The following CEP63 variants were observed in gnomAD, a reference collection of about 807,000 sequenced individuals.
CEP63 encodes centrosomal protein of 63 kDa.
CEP63 carries 84 observed loss-of-function variants against 89.1 expected under a neutral mutation model. The observed-to-expected ratio is 0.94, with a 90% CI of 0.79 to 1.13. The LOEUF (loss-of-function observed/expected upper bound fraction) is 1.13, where lower values mean the gene tolerates loss of function less well. Among genes scored for constraint, CEP63 ranks in the 50% most tolerant of loss-of-function variants. The pLI is 0.00. For missense variants in CEP63, 838 were observed against 813.3 expected, an observed-to-expected ratio of 1.03 and a Z score of -0.37; for synonymous variants, 267 against 272.5, an observed-to-expected ratio of 0.98 and a Z score of 0.20.
the CEP63 span, among the ~76,000 whole-genome samples, chr3:134,606,829 C>T: frequency 6.6e-6 from 1 of 151,762 alleles, no homozygotes; most frequent in Non-Finnish European, 1.5e-5. Flanking sequence ...CCTCCTCCTC[C>T]CCTCTCCCCT....
the CEP63 span, among the ~76,000 whole-genome samples, chr3:134,771,165 A>G: frequency 2.0e-5 from 3 of 152,012 alleles, no homozygotes; most frequent in African/African-American, 7.2e-5. Context: ...CTCTCCATCC[A>G]CTTTGCTGGC....
At chr3:134,630,322 C>T in the CEP63 span, among the ~76,000 whole-genome samples, 1 of 152,250 alleles carries the variant, frequency 6.6e-6, no homozygotes, top group African/African-American at 2.4e-5. Flanking sequence ...CATGCAGCCA[C>T]CTACAACTCT....
Position 134,560,463 on chromosome 3 carries a change from G to A in CEP63, c.1954-914G>A, listed in dbSNP as rs574727678. The stretch of plus-strand genomic sequence containing the variant: ...GACTTGCACAATCCCAGCCAAGGTC[G>A]AAGTAGGCAGCACTCTGCCTTGTTG... On this transcript the variant is annotated intron_variant, in intron 14 of 14. Coordinates refer to ENST00000675561, the MANE Select transcript of CEP63 (RefSeq NM_001353108.3). Among the ~76,000 whole-genome samples the A allele has an allele frequency of 1.8e-4, 28 of 152,318 alleles. 1 individual carries two copies. In the South Asian group the frequency reaches 5.2e-3, roughly 28 times the overall value.
At chr3:134,505,040 C>T (rs937272199) in intron 2 of CEP63, among the ~76,000 whole-genome samples, 2 of 152,086 alleles carry the variant, frequency 1.3e-5, no homozygotes, top group Admixed American at 6.5e-5. Flanking sequence ...TTTTTATTAT[C>T]TGTGTTTTCT....
At chr3:134,680,657 G>T in the CEP63 span, among the ~76,000 whole-genome samples, 2 of 152,110 alleles carry the variant, frequency 1.3e-5, no homozygotes, top group African/African-American at 4.8e-5. Context: ...TTAGTTTGGG[G>T]AAGTCTAAAG....
the CEP63 span, among the ~76,000 whole-genome samples, chr3:134,605,837 C>T: frequency 6.6e-6 from 1 of 152,156 alleles, no homozygotes; most frequent in African/African-American, 2.4e-5. Flanking sequence ...CTCTTTGCGA[C>T]CCCCACTCTT....
the CEP63 span, among the ~76,000 whole-genome samples, chr3:134,699,117 G>A: frequency 3.3e-5 from 5 of 152,214 alleles, no homozygotes; most frequent in African/African-American, 7.2e-5. Context: ...CCCAGAGCAG[G>A]AAATGTCTCA....
At chr3:134,709,877 C>G in the CEP63 span, among the ~76,000 whole-genome samples, 2 of 152,222 alleles carry the variant, frequency 1.3e-5, no homozygotes, top group African/African-American at 4.8e-5. Flanking sequence ...GATGGTGATC[C>G]GTTAATGGCA....
intron 3 of CEP63, among the ~76,000 whole-genome samples, chr3:134,522,814 T>C (rs1947768332): frequency 6.6e-6 from 1 of 152,166 alleles, no homozygotes; most frequent in Admixed American, 6.6e-5. Context: ...TGATGGACAT[T>C]TAGGTTGATA....
intron 3 of CEP63, chr3:134,511,392 A>T (rs6804770): frequency 0.66 from 101,583 of 153,956 alleles, 33,922 homozygotes; most frequent in East Asian, 0.81. Context: ...ATACTCGGAA[A>T]AGAAGTGGAG....
chr3:134,747,225 A>T, the CEP63 span, among the ~76,000 whole-genome samples: 2 of 152,196 alleles, frequency 1.3e-5, no homozygotes, highest in African/African-American at 4.8e-5. Flanking sequence ...CAAAGATCAG[A>T]TGGTTGTAGA....
At chr3:134,749,834 G>GCGTTGAA in the CEP63 span, among the ~76,000 whole-genome samples, 1 of 151,534 alleles carries the variant, frequency 6.6e-6, no homozygotes, top group East Asian at 1.9e-4. Flanking sequence ...GGAGAGTTGA[G>GCGTTGAA]CAGACAGGAA....
At chr3:134,541,228 T>C (rs1951931247) in intron 6 of CEP63, among the ~76,000 whole-genome samples, 1 of 152,232 alleles carries the variant, frequency 6.6e-6, no homozygotes, top group African/African-American at 2.4e-5. Context: ...ACAATTGTTT[T>C]ATAAACAGTT....
chr3:134,701,321 T>TATACGTATATGTGTGTATAC, the CEP63 span, among the ~76,000 whole-genome samples: 7 of 100,518 alleles, frequency 7.0e-5, 3 homozygotes, highest in African/African-American at 2.4e-4. Context: ...TATGTGTATA[T>TATACGTATATGTGTGTATAC]ATACATATAC....
intron 3 of CEP63, among the ~76,000 whole-genome samples, chr3:134,507,980 T>C (rs1943888321): frequency 6.6e-6 from 1 of 152,162 alleles, no homozygotes; most frequent in African/African-American, 2.4e-5. Flanking sequence ...TCAGAAGGAT[T>C]GGAAGAGTTA....
At chr3:134,751,938 T>C in the CEP63 span, among the ~76,000 whole-genome samples, 5 of 152,174 alleles carry the variant, frequency 3.3e-5, no homozygotes, top group African/African-American at 1.2e-4. Flanking sequence ...TTGGTTTTAT[T>C]GGAGTTGTGT....
At chr3:134,744,705 A>C in the CEP63 span, among the ~76,000 whole-genome samples, 97 of 152,210 alleles carry the variant, frequency 6.4e-4, no homozygotes, top group East Asian at 0.012. Context: ...TTTTGTAGAG[A>C]TGGGGTCTCA....
chr3:134,502,658 G>C (rs545395382), intron 2 of CEP63, among the ~76,000 whole-genome samples: 2 of 152,150 alleles, frequency 1.3e-5, no homozygotes, highest in East Asian at 3.9e-4. Flanking sequence ...TATGGGATTG[G>C]TTGTAATGTC....
chr3:134,604,134 G>A, the CEP63 span: 11 of 1,607,704 alleles, frequency 6.8e-6, no homozygotes, highest in East Asian at 2.2e-5. Context: ...AGCAGCGCCC[G>A]TCGCTGGTGT....
Sources: gnomAD v4.1 joint callset for allele counts (sites outside exome capture counted in the v4.1 genomes callset) on GRCh38, gnomAD v4.1.1 for gene constraint, MANE v1.5 for transcripts, NCBI Gene and HGNC (gene_info 2026-07-23, HGNC 2026-07-21) for gene names.